Variants in PLP1 observed in about 807,000 individuals in gnomAD.
PLP1 encodes proteolipid protein 1.
A neutral mutation model predicts 18.5 loss-of-function variants in PLP1; 2 were observed. The observed-to-expected ratio is 0.11, with a 90% CI of 0.04 to 0.34. PLP1 has a LOEUF of 0.34. Ranked by LOEUF, PLP1 falls within the 10% of genes least tolerant of loss-of-function variation. The pLI is 1.00. For synonymous variants in PLP1, 86 were observed against 83.2 expected (o/e 1.03, Z -0.19); for missense variants, 105 against 207.3 (o/e 0.51, Z 3.03).
At position 103,790,909 on chromosome X, in the gene PLP1, A is replaced by G. The variant is rs2074540180; in HGVS notation, c.*311A>G. ...TAATTGAATTTTCAAGCATCTCCTG[A>G]GGATCAGAAAGTAATTTCTTCTCAA... On this transcript the variant is annotated 3_prime_UTR_variant, in exon 7 of 7. Coordinates refer to ENST00000621218, the MANE Select transcript of PLP1 (RefSeq NM_000533.5). 3.1e-6 allele frequency: 1 copy of G among 317,570 alleles called. No individual in the cohort carries two copies. The highest frequency in any genetic ancestry group is 5.1e-5 in the Admixed American group (1 of 19,738). The allele number at this position is 317,570 out of a possible 1,213,427, so 26.2% of individuals were successfully genotyped here.
At chrX:103,786,840 G>T (rs766983787) in intron 3 of PLP1, 114 bp downstream of exon 3, 1 of 787,627 alleles carries the variant, frequency 1.3e-6, no homozygotes. Flanking sequence ...TGGCATTTGA[G>T]TGAGGAAGCG....
chrX:103,778,364 G>A (rs1281643647), intron 1 of PLP1, among the ~76,000 whole-genome samples: 4 of 112,016 alleles, frequency 3.6e-5, no homozygotes, highest in Non-Finnish European at 5.6e-5. Flanking sequence ...TTTTCTTTGC[G>A]TGCTTGGGTC....
In PLP1 at chrX:103,792,227, T is replaced by C. The variant is rs1399214444; in HGVS notation, c.*1629T>C. ...TTTTCCCCCAAAGTGGTTTCAGCAA[T>C]ATTTAAGGAGATGTAAGAGCTTTAC... On this transcript the variant is annotated 3_prime_UTR_variant, in exon 7 of 7. Coordinates refer to ENST00000621218, the MANE Select transcript of PLP1 (RefSeq NM_000533.5). 1.8e-5 allele frequency: 2 copies of C among 111,862 alleles called. No homozygotes were observed. Among genetic ancestry groups the C allele is most frequent in the Admixed American group, 1.9e-4 (2 of 10,516 alleles). The allele number at this position is 111,862 out of a possible 1,213,427, so 9.2% of individuals were successfully genotyped here.
chrX:103,779,139 G>T (rs2074432977), intron 1 of PLP1, among the ~76,000 whole-genome samples: 2 of 112,540 alleles, frequency 1.8e-5, no homozygotes, highest in Non-Finnish European at 1.9e-5. Flanking sequence ...AATGTTCCAA[G>T]TGAGTCTTTG....
chrX:103,788,454 G>A lies in PLP1; in HGVS notation c.640G>A (p.Ala214Thr). The A allele has an allele frequency of 1.7e-6, 2 of 1,208,320 alleles. No homozygotes were observed. Among genetic ancestry groups the A allele is most frequent in the Non-Finnish European group, 2.2e-6 (2 of 892,378 alleles). ...ARMYGVLPWN[A>T]FPGKVCGSNL... ...TTACTTAGGTGTTCTCCCATGGAAT[G>A]CTTTCCCTGGCAAGGTTTGTGGCTC... Residue 214 changes from alanine to threonine, a missense_variant, in exon 5 of 7, where the codon GCT becomes ACT. Coordinates refer to ENST00000621218, the MANE Select transcript of PLP1 (RefSeq NM_000533.5).
In PLP1 at chrX:103,785,619, C is replaced by T. The variant is rs1408934381; in HGVS notation, c.42C>T (p.Ala14=). Residue 14 remains alanine (A), a synonymous_variant, in exon 2 of 7, where the codon GCC becomes GCT. Transcript: ENST00000621218. The part of the protein sequence containing the change: ...LECCARCLVG[A]PFASLVATGL... Reference sequence around the variant, plus strand: ...GCTGTGCAAGATGTCTGGTAGGGGCCCCCTTTGCTTCCCTGGTGGCCACTG... The same window carrying T: ...GCTGTGCAAGATGTCTGGTAGGGGCTCCCTTTGCTTCCCTGGTGGCCACTG... The T allele has an allele frequency of 8.3e-7, 1 of 1,208,570 alleles. No individual in the cohort carries two copies. The highest frequency in any genetic ancestry group is 1.8e-5 in the African/African-American group (1 of 56,859).
Position 103,785,754 on chromosome X carries a change from G to C in PLP1, c.177G>C (p.Glu59Asp), listed in dbSNP as rs1403370431. Residue 59 changes from glutamate (E) to aspartate (D), a missense_variant, in exon 2 of 7, where the codon GAG becomes GAC. Coordinates refer to ENST00000621218, the MANE Select transcript of PLP1 (RefSeq NM_000533.5). ...TCTCCAAAAACTACCAAGACTATGA[G>C]TATCTCATCAATGTGTAAGTACCTG... Reference protein sequence around the residue: ...TYFSKNYQDYEYLINVIHAFQ... With the variant: ...TYFSKNYQDYDYLINVIHAFQ... The C allele has an allele frequency of 8.3e-7, 1 of 1,204,538 alleles. No homozygotes were observed.
intron 1 of PLP1, among the ~76,000 whole-genome samples, chrX:103,779,381 G>C (rs1307751609): frequency 8.9e-6 from 1 of 112,130 alleles, no homozygotes; most frequent in Admixed American, 9.5e-5. Flanking sequence ...CAGGCAAAAA[G>C]TGTGGCGGCA....
upstream of PLP1, chrX:103,776,754 G>T: frequency 3.3e-6 from 1 of 305,194 alleles, no homozygotes; most frequent in Non-Finnish European, 5.4e-6. Context: ...CTGAGTAGGT[G>T]GGGAAAAGGG....
rs1309953140 is a variant in PLP1, at chrX:103,789,122, A to C, written c.697-211A>C. On this transcript the variant is annotated intron_variant, in intron 5 of 6. Coordinates refer to ENST00000621218, the MANE Select transcript of PLP1 (RefSeq NM_000533.5). Reference sequence around the variant, plus strand: ...TGGAGTACTGTACTATTTCATGACTATTCTGTGATCTGGGTGTTAATGGGC... The same window carrying C: ...TGGAGTACTGTACTATTTCATGACTCTTCTGTGATCTGGGTGTTAATGGGC... The C allele has an allele frequency of 6.4e-6, 3 of 466,518 alleles. No individual in the cohort carries two copies. In the East Asian group the frequency reaches 1.1e-4, roughly 18 times the overall value. The allele number at this position is 466,518 out of a possible 1,213,427, so 38.4% of individuals were successfully genotyped here.
At chrX:103,789,588 A>C (rs1438596027) in intron 6 of PLP1, among the ~76,000 whole-genome samples, 190 bp downstream of exon 6, 2 of 112,199 alleles carry the variant, frequency 1.8e-5, no homozygotes, top group African/African-American at 6.5e-5. Flanking sequence ...ATCACAAATT[A>C]GATGGGAACA....
rs2074511820 is a variant in PLP1, at chrX:103,787,928, C to T, written c.584C>T (p.Ala195Val). 1 of 1,208,868 alleles carries T rather than the reference C, an allele frequency of 8.3e-7. No homozygotes were observed. Among genetic ancestry groups the T allele is most frequent in the African/African-American group, 1.7e-5 (1 of 57,152 alleles). ...QSIAFPSKTS[A>V]SIGSLCADAR... Reference sequence around the variant, plus strand: ...ATTGCCTTCCCCAGCAAGACCTCTGCCAGTATAGGCAGTCTCTGTGCTGAT... The same window carrying T: ...ATTGCCTTCCCCAGCAAGACCTCTGTCAGTATAGGCAGTCTCTGTGCTGAT... The change falls in exon 4 of 7, where the codon GCC becomes GTC. Residue 195 changes from alanine (A) to valine (V), a missense_variant. Transcript: ENST00000621218.
intron 6 of PLP1, among the ~76,000 whole-genome samples, chrX:103,790,136 GA>G (rs2074532508): frequency 8.9e-6 from 1 of 112,381 alleles, no homozygotes; most frequent in African/African-American, 3.2e-5. Context: ...TTAACCAGGG[GA>G]GAGCTCTACT....
In PLP1 at chrX:103,789,575, G is replaced by A. The variant is rs1451465799; in HGVS notation, c.762+177G>A. 2.7e-5 allele frequency among the ~76,000 whole-genome samples: 3 copies of A among 112,028 alleles called. No individual in the cohort carries two copies. The East Asian group carries it at 8.4e-4, about 31-fold the overall frequency. The stretch of plus-strand genomic sequence containing the variant: ...TCTACTTGCATTGGCAAGGCAGAAA[G>A]ACATCACAAATTAGATGGGAACAAG... On this transcript the variant is annotated intron_variant, in intron 6 of 6. Transcript: ENST00000621218.
intron 3 of PLP1, 172 bp from the exon 4 acceptor site, chrX:103,787,626 G>A (rs2074508266): frequency 2.0e-6 from 1 of 495,365 alleles, no homozygotes; most frequent in East Asian, 3.5e-5. Context: ...TTATCTAGTA[G>A]ATACTGCCAA....
intron 1 of PLP1, among the ~76,000 whole-genome samples, chrX:103,782,242 T>C (rs1180061519): frequency 1.8e-5 from 2 of 112,207 alleles, no homozygotes; most frequent in Admixed American, 1.9e-4. Context: ...TATTACTGAA[T>C]TGTTTATAGC....
intron 1 of PLP1, among the ~76,000 whole-genome samples, chrX:103,783,156 A>G (rs1278330434): frequency 8.9e-6 from 1 of 112,128 alleles, no homozygotes; most frequent in African/African-American, 3.2e-5. Context: ...TCTGAGAACA[A>G]CAATCGATTT....
In PLP1 at chrX:103,792,139, T is replaced by C. The variant is rs2074549977; in HGVS notation, c.*1541T>C. 9.0e-6 allele frequency: 1 copy of C among 111,327 alleles called. No homozygotes were observed. Among genetic ancestry groups the C allele is most frequent in the Non-Finnish European group, 1.9e-5 (1 of 53,020 alleles). 9.2% of individuals were successfully genotyped at this position (111,327 alleles called of 1,213,427 possible). A position where few individuals can be genotyped will look rare whatever the true frequency, so the allele number is the denominator to read the frequency against. ...TGGGTTAAAAAAAAAAAAAGTCTGA[T>C]TGGTTTTAATTGAAGGAAAGATTTG... On this transcript the variant is annotated 3_prime_UTR_variant, in exon 7 of 7. Transcript: ENST00000621218.
intron 1 of PLP1, among the ~76,000 whole-genome samples, chrX:103,784,365 C>T (rs1599989): frequency 0.12 from 13,739 of 111,194 alleles, 851 homozygotes; most frequent in Non-Finnish European, 0.19. Flanking sequence ...AGAATCTCAG[C>T]GTATAACTGA....
Sources: gnomAD v4.1 joint callset for allele counts (sites outside exome capture counted in the v4.1 genomes callset) on GRCh38, gnomAD v4.1.1 for gene constraint, MANE v1.5 for transcripts, NCBI Gene and HGNC (gene_info 2026-07-23, HGNC 2026-07-21) for gene names.